Variants in MKRN1 observed in about 807,000 individuals in gnomAD.
MKRN1 encodes the protein makorin ring finger protein 1.
A neutral mutation model predicts 55.5 loss-of-function variants in MKRN1; 9 were observed. The observed-to-expected ratio is 0.16, with a 90% CI of 0.10 to 0.28. The LOEUF is 0.28. MKRN1 is among the 10% of genes least tolerant of loss of function. The pLI, the probability that MKRN1 is intolerant of heterozygous loss-of-function variation, is 1.00. For synonymous variants in MKRN1, 253 were observed against 235.9 expected (o/e 1.07, Z -0.66); for missense variants, 488 against 626.7 (o/e 0.78, Z 2.36).
intron 2 of MKRN1, among the ~76,000 whole-genome samples, chr7:140,464,220 C>A (rs1372956339): frequency 2.0e-5 from 3 of 152,082 alleles, no homozygotes; most frequent in Non-Finnish European, 4.4e-5. Context: ...GCGCCCAGGC[C>A]CAAAGCCTTA....
At chr7:140,474,226 G>A (rs767748988) in intron 1 of MKRN1, among the ~76,000 whole-genome samples, 12 of 151,890 alleles carry the variant, frequency 7.9e-5, no homozygotes, top group South Asian at 2.1e-4. Flanking sequence ...GGCCAGGTGC[G>A]GTGGCTCACA....
intron 1 of MKRN1, among the ~76,000 whole-genome samples, chr7:140,474,062 A>AAAGG (rs1795040276): frequency 1.4e-5 from 2 of 145,822 alleles, no homozygotes; most frequent in Non-Finnish European, 3.0e-5. Flanking sequence ...AGAAAGAAAG[A>AAAGG]AAGAATAAAA....
chr7:140,474,439 G>GC, intron 1 of MKRN1: 1 of 363,834 alleles, frequency 2.7e-6, no homozygotes, highest in Non-Finnish European at 5.6e-6. Context: ...CAGTGGGTTG[G>GC]GGGGGGCCCA....
chr7:140,474,006 AAAGAAAGAAAG>A (rs1260160598), intron 1 of MKRN1, among the ~76,000 whole-genome samples: 3 of 9,584 alleles, frequency 3.1e-4, no homozygotes, highest in Non-Finnish European at 5.4e-4. Context: ...AAAAAAAAAA[AAAGAAAGAAAG>A]AAAGAAAGAA....
At chr7:140,474,230 G>A (rs993006896) in intron 1 of MKRN1, among the ~76,000 whole-genome samples, 2 of 151,998 alleles carry the variant, frequency 1.3e-5, no homozygotes, top group African/African-American at 4.8e-5. Context: ...AGGTGCGGTG[G>A]CTCACACCTG....
chr7:140,467,312 CTT>C (rs1459660288), intron 2 of MKRN1, among the ~76,000 whole-genome samples: 2 of 151,410 alleles, frequency 1.3e-5, no homozygotes, highest in Non-Finnish European at 3.0e-5. Context: ...AAGTCTCACT[CTT>C]TGCCCAGGCT....
At chr7:140,476,796 T>TCAC (rs1795130927) in intron 1 of MKRN1, among the ~76,000 whole-genome samples, 9 of 151,790 alleles carry the variant, frequency 5.9e-5, no homozygotes, top group Non-Finnish European at 1.0e-4. Context: ...ATAAGGATCA[T>TCAC]AGACCGGGTG....
chr7:140,465,306 C>T (rs576253569), intron 2 of MKRN1, among the ~76,000 whole-genome samples: 1 of 152,042 alleles, frequency 6.6e-6, no homozygotes, highest in South Asian at 2.1e-4. Flanking sequence ...CAAGACCAGC[C>T]TGGCTGACAT....
chr7:140,456,784 A>C lies in MKRN1; in HGVS notation c.854T>G (p.Met285Arg). The C allele has an allele frequency of 6.2e-7, 1 of 1,614,014 alleles. No individual in the cohort carries two copies. The highest frequency in any genetic ancestry group is 1.7e-4 in the Middle Eastern group (1 of 6,058). Reference sequence around the variant, plus strand: ...GTTGGCTTTCTCATAGACCACCTCCATGCAGATCCCACACACCATGTCCTT... The same window carrying C: ...GTTGGCTTTCTCATAGACCACCTCCCTGCAGATCCCACACACCATGTCCTT... ...RSKDMVCGIC[M>R]EVVYEKANPS... The change falls in exon 5 of 8, where the codon ATG becomes AGG. Residue 285 changes from methionine to arginine, a missense_variant. Around this residue, in one of 2 missense-constraint regions of MKRN1, gnomAD observed 278 missense variants for 406.7 expected, o/e 0.68. Transcript: ENST00000255977.
chr7:140,474,432 T>C lies in MKRN1; in HGVS notation c.186-2421A>G, dbSNP rs1342003646. On this transcript the variant is annotated intron_variant, in intron 1 of 7. Coordinates refer to ENST00000255977, the MANE Select transcript of MKRN1 (RefSeq NM_013446.4). ...GAGGCAGAATTGCTTGAACTCGCAG[T>C]GGGTTGGGGGGGGCCCAGAGGTTGC... is the stretch of plus-strand genomic sequence containing the variant. 89 of 363,660 alleles carry C rather than the reference T, an allele frequency of 2.4e-4. 1 individual carries two copies. The Admixed American group carries it at 2.6e-3, about 11-fold the overall frequency. The allele number at this position is 363,660 out of a possible 1,614,324, so 22.5% of individuals were successfully genotyped here.
chr7:140,475,639 A>C (rs1246079609), intron 1 of MKRN1, among the ~76,000 whole-genome samples: 3 of 152,152 alleles, frequency 2.0e-5, no homozygotes, highest in Non-Finnish European at 4.4e-5. Flanking sequence ...ATTCCAGCCT[A>C]GGGGACAGAG....
chr7:140,475,591 G>C (rs562331202), intron 1 of MKRN1, among the ~76,000 whole-genome samples: 62 of 152,142 alleles, frequency 4.1e-4, no homozygotes, highest in Admixed American at 3.3e-3. Flanking sequence ...TTGAGCCTGG[G>C]AGGTGGAGGC....
At chr7:140,464,636 C>T (rs1342398221) in intron 2 of MKRN1, among the ~76,000 whole-genome samples, 20 of 151,426 alleles carry the variant, frequency 1.3e-4, no homozygotes, top group Admixed American at 5.9e-4. Flanking sequence ...ACCTGGGAGG[C>T]GGAGGTTGCA....
intron 4 of MKRN1, 193 bp from the exon 5 acceptor site, chr7:140,457,059 C>T (rs560659561): frequency 8.1e-6 from 5 of 617,024 alleles, no homozygotes; most frequent in African/African-American, 1.9e-5. Flanking sequence ...TTTGTTTTTG[C>T]GGTGGTACTT....
intron 2 of MKRN1, among the ~76,000 whole-genome samples, chr7:140,463,196 A>G (rs913358229): frequency 6.6e-6 from 1 of 152,216 alleles, no homozygotes; most frequent in Admixed American, 6.5e-5. Context: ...AACCCAATGC[A>G]TTGTTCTATA....
At chr7:140,455,593 T>C (rs1794445194) in intron 6 of MKRN1, 197 bp downstream of exon 6, 1 of 581,010 alleles carries the variant, frequency 1.7e-6, no homozygotes, top group Non-Finnish European at 3.0e-6. Context: ...TATAACACAG[T>C]CCCTTGGCAT....
chr7:140,455,561 T>C (rs1256954008), intron 6 of MKRN1: 2 of 563,826 alleles, frequency 3.5e-6, no homozygotes, highest in Non-Finnish European at 6.3e-6. Context: ...GGGGCCTTAC[T>C]TGTCAACAGT....
Position 140,466,959 on chromosome 7 carries a change from A to G in MKRN1, c.314+4924T>C, listed in dbSNP as rs534374067. On this transcript the variant is annotated intron_variant, in intron 2 of 7. Coordinates refer to ENST00000255977, the MANE Select transcript of MKRN1 (RefSeq NM_013446.4). ...GAAAGAAACAAACAACAAACCAATT[A>G]AGGTTCCTTTCAACTTTTTCTTTTT... Among the ~76,000 whole-genome samples the G allele has an allele frequency of 2.6e-4, 39 of 150,768 alleles. 1 individual carries two copies. Among genetic ancestry groups the G allele is most frequent in the Middle Eastern group, 3.5e-3 (1 of 288 alleles).
chr7:140,479,153 G>C lies in MKRN1; in HGVS notation c.185+7C>G. On this transcript the variant is annotated splice_region_variant and intron_variant, in intron 1 of 7. Transcript: ENST00000255977. The stretch of plus-strand genomic sequence containing the variant: ...CGCGCCCGGCGCTCCGCCGCGCAAC[G>C]TCCTACCTGCAGGTGACCTGTTTAG... 7.3e-7 allele frequency: 1 copy of C among 1,377,324 alleles called. No homozygotes were observed. Among genetic ancestry groups the C allele is most frequent in the South Asian group, 1.7e-5 (1 of 58,584 alleles). The allele number at this position is 1,377,324 out of a possible 1,614,324, so 85.3% of individuals were successfully genotyped here.
Sources: allele counts gnomAD v4.1 joint callset (sites outside exome capture counted in the v4.1 genomes callset), GRCh38; gene constraint gnomAD v4.1.1; regional missense constraint gnomAD v4.1.1; transcripts MANE v1.5; gene names NCBI Gene and HGNC (gene_info 2026-07-23, HGNC 2026-07-21).